The following STXBP3 variants were observed in gnomAD, a reference collection of about 807,000 sequenced individuals.
The protein encoded by STXBP3 is syntaxin binding protein 3, also known as syntaxin-binding protein 3.
A neutral mutation model predicts 85.7 loss-of-function variants in STXBP3; 41 were observed. The ratio of observed to expected loss-of-function variants is 0.48; its 90% CI spans 0.37 to 0.62. STXBP3 has a LOEUF of 0.62. Among genes scored for constraint, STXBP3 ranks in the 20% least tolerant of loss-of-function variants. The pLI is 0.00. For synonymous variants in STXBP3, 229 were observed against 231.7 expected (o/e 0.99, Z 0.10); for missense variants, 563 against 703.1 (o/e 0.80, Z 2.25).
Position 108,753,225 on chromosome 1 carries a change from G to A in STXBP3, c.181+81G>A, listed in dbSNP as rs1055594495. 13 of 935,642 alleles carry A rather than the reference G, an allele frequency of 1.4e-5. No individual in the cohort carries two copies. In the East Asian group the frequency reaches 3.1e-4, roughly 23 times the overall value. The allele number at this position is 935,642 out of a possible 1,614,324, so 58.0% of individuals were successfully genotyped here. A position where few individuals can be genotyped will look rare whatever the true frequency, so the allele number is the denominator to read the frequency against. ...GTATTAAATTTTAGTTAGTAGTTGT[G>A]TTTCTAAGGAGCTTATTTTTTTAAA... is the stretch of plus-strand genomic sequence containing the variant. On this transcript the variant is annotated intron_variant, in intron 3 of 18. Transcript: ENST00000370008.
chr1:108,764,184 C>T (rs1662207592), intron 6 of STXBP3, among the ~76,000 whole-genome samples: 1 of 152,114 alleles, frequency 6.6e-6, no homozygotes, highest in African/African-American at 2.4e-5. Flanking sequence ...TGACCTCTAG[C>T]TCCATCCATG....
chr1:108,756,429 A>G (rs919250239), intron 3 of STXBP3, among the ~76,000 whole-genome samples: 2 of 152,124 alleles, frequency 1.3e-5, no homozygotes, highest in African/African-American at 4.8e-5. Flanking sequence ...TAAGAAAATG[A>G]ATTATTAATT....
At chr1:108,806,991 T>C (rs1303465) in intron 17 of STXBP3, among the ~76,000 whole-genome samples, 117,952 of 152,138 alleles carry the variant, frequency 0.78, 45,994 homozygotes, top group East Asian at 0.97. Context: ...CGGTGGCTTA[T>C]GCCTGTTATC....
chr1:108,767,695 C>T lies in STXBP3; in HGVS notation c.439-4970C>T, dbSNP rs376918872. 8.1e-4 allele frequency: 123 copies of T among 152,644 alleles called. No individual in the cohort carries two copies. The South Asian group carries it at 9.6e-3, about 12-fold the overall frequency. 9.5% of individuals were successfully genotyped at this position (152,644 alleles called of 1,614,324 possible). On this transcript the variant is annotated intron_variant, in intron 6 of 18. Transcript: ENST00000370008. The stretch of plus-strand genomic sequence containing the variant: ...GAGGGTCTCGCTCAAACAGTCCTCC[C>T]GCCTCAGCCTCCCAAGTAGCTGGGA...
chr1:108,787,287 G>A (rs1171731288), intron 11 of STXBP3, among the ~76,000 whole-genome samples: 15 of 152,058 alleles, frequency 9.9e-5, no homozygotes, highest in Admixed American at 9.8e-4. Flanking sequence ...TATATACACA[G>A]TAATATAATC....
At chr1:108,777,008 A>C (rs1662607446) in intron 8 of STXBP3, among the ~76,000 whole-genome samples, 1 of 152,192 alleles carries the variant, frequency 6.6e-6, no homozygotes, top group Non-Finnish European at 1.5e-5. Context: ...TCCTATGGAA[A>C]TAATATAATC....
intron 8 of STXBP3, among the ~76,000 whole-genome samples, chr1:108,777,711 A>G (rs1447199377): frequency 1.3e-5 from 2 of 152,160 alleles, no homozygotes; most frequent in Non-Finnish European, 2.9e-5. Flanking sequence ...CATCCTTCAA[A>G]TACTTGATAC....
At chr1:108,752,054 G>A (rs1661916118) in intron 1 of STXBP3, among the ~76,000 whole-genome samples, 2 of 152,068 alleles carry the variant, frequency 1.3e-5, no homozygotes, top group African/African-American at 4.8e-5. Flanking sequence ...ACCTTTTAAA[G>A]TTAAAAAATT....
intron 6 of STXBP3, among the ~76,000 whole-genome samples, chr1:108,762,932 A>AT (rs1214927528): frequency 3.3e-5 from 5 of 152,248 alleles, no homozygotes; most frequent in Non-Finnish European, 7.3e-5. Context: ...AGTCAAGGCC[A>AT]TATGGGTACT....
At chr1:108,764,817 A>G (rs925266863) in intron 6 of STXBP3, among the ~76,000 whole-genome samples, 1 of 152,006 alleles carries the variant, frequency 6.6e-6, no homozygotes, top group African/African-American at 2.4e-5. Context: ...ACTTTCTCCC[A>G]TTGTATAGGT....
At chr1:108,807,212 C>T (rs555076397) in intron 17 of STXBP3, among the ~76,000 whole-genome samples, 189 bp from the exon 18 acceptor site, 3 of 148,488 alleles carry the variant, frequency 2.0e-5, no homozygotes, top group Non-Finnish European at 3.0e-5. Context: ...GAACCAAGAT[C>T]GCTCCACTGC....
chr1:108,758,695 A>G (rs925362460), intron 5 of STXBP3, 107 bp downstream of exon 5: 1 of 472,778 alleles, frequency 2.1e-6, no homozygotes, highest in Non-Finnish European at 3.7e-6. Context: ...TCTACTTTTT[A>G]TAATATTATT....
chr1:108,765,788 C>A (rs1662251271), intron 6 of STXBP3, among the ~76,000 whole-genome samples: 1 of 150,726 alleles, frequency 6.6e-6, no homozygotes, highest in African/African-American at 2.4e-5. Flanking sequence ...CCAGGCTGGT[C>A]TCAAACTCCT....
Position 108,808,825 on chromosome 1 carries a change from T to C in STXBP3, c.1727T>C (p.Ile576Thr). Residue 576 changes from isoleucine to threonine, a missense_variant, in exon 19 of 19, where the codon ATA (isoleucine) becomes ACA (threonine). By Grantham distance (89) the Ile-to-Thr change is moderately conservative. Around this residue, in one of 3 missense-constraint regions of STXBP3, gnomAD observed 494 missense variants for 592.8 expected, o/e 0.83. Transcript: ENST00000370008. ...ACACCCAAAAAGCTGTTGGATGATATAAAGATGCTGAATAAACCCAAGGAT... is the reference window on the plus strand; with the variant it reads ...ACACCCAAAAAGCTGTTGGATGATACAAAGATGCTGAATAAACCCAAGGAT... ...VLTPKKLLDD[I>T]KMLNKPKDKV... is the part of the protein sequence containing the mutation. The C allele has an allele frequency of 6.2e-7, 1 of 1,613,100 alleles. No homozygotes were observed. Among genetic ancestry groups the C allele is most frequent in the Non-Finnish European group, 8.5e-7 (1 of 1,179,688 alleles).
chr1:108,776,420 A>G lies in STXBP3; in HGVS notation c.681A>G (p.Ile227Met), dbSNP rs758596377. ...DYYKIDEKSLIKGKTHSQLLI... is the reference protein window; with the variant it reads ...DYYKIDEKSLMKGKTHSQLLI... ...ACAAGATTGATGAAAAGAGCCTAAT[A>G]AAGGTAATGTATGCAAGGCAAGTAA... Residue 227 changes from isoleucine to methionine, a missense_variant, in exon 8 of 19, where the codon ATA becomes ATG. Coordinates refer to ENST00000370008, the MANE Select transcript of STXBP3 (RefSeq NM_007269.4). The G allele has an allele frequency of 3.1e-6, 5 of 1,603,100 alleles. No homozygotes were observed. Among genetic ancestry groups the G allele is most frequent in the Non-Finnish European group, 4.3e-6 (5 of 1,174,090 alleles).
chr1:108,771,602 A>T (rs1423553447), intron 6 of STXBP3, among the ~76,000 whole-genome samples: 2 of 74,808 alleles, frequency 2.7e-5, no homozygotes, highest in East Asian at 3.1e-4. Context: ...ATCATATATA[A>T]ATATATATGA....
chr1:108,807,257 CAAA>C (rs201346701), intron 17 of STXBP3, 141 bp from the exon 18 acceptor site: 2,361 of 696,644 alleles, frequency 3.4e-3, no homozygotes, highest in East Asian at 0.014. Context: ...GACTCCACCT[CAAA>C]AAAAAAAAAA....
chr1:108,755,821 C>T (rs1662007565), intron 3 of STXBP3, among the ~76,000 whole-genome samples: 1 of 151,922 alleles, frequency 6.6e-6, no homozygotes, highest in South Asian at 2.1e-4. Context: ...TAAATTTTTC[C>T]TTGGAAATAT....
chr1:108,773,202 A>G (rs1207072725), intron 7 of STXBP3, among the ~76,000 whole-genome samples: 1 of 152,176 alleles, frequency 6.6e-6, no homozygotes. Context: ...ATAGTATCTA[A>G]TCTGCCTATT....
Sources: allele counts gnomAD v4.1 joint callset (sites outside exome capture counted in the v4.1 genomes callset), GRCh38; gene constraint gnomAD v4.1.1; regional missense constraint gnomAD v4.1.1; transcripts MANE v1.5; gene names NCBI Gene and HGNC (gene_info 2026-07-23, HGNC 2026-07-21).